Variants in RTL4 observed in about 807,000 individuals in gnomAD.
RTL4 encodes retrotransposon Gag-like protein 4.
Under a neutral mutation model 5.3 loss-of-function variants are expected in RTL4, and 4 were observed. The observed-to-expected ratio is 0.75, with a 90% CI of 0.37 to 1.72. RTL4 has a LOEUF of 1.72. Ranked by LOEUF, RTL4 falls within the 40% of genes most tolerant of loss-of-function variation. RTL4 has a pLI of 0.04. For missense variants in RTL4, 260 were observed against 227.1 expected (o/e 1.14, Z -0.93); for synonymous variants, 98 against 87.3 (o/e 1.12, Z -0.68).
At chrX:112,451,136 T>A (rs986853198), upstream of RTL4, among the ~76,000 whole-genome samples, 5 of 111,553 alleles carry the variant, frequency 4.5e-5, no homozygotes, top group Middle Eastern at 4.6e-3. Flanking sequence ...CCTGAAAAAA[T>A]TTAAATTCTA....
chrX:112,223,181 G>A, the RTL4 span, among the ~76,000 whole-genome samples: 1 of 111,438 alleles, frequency 9.0e-6, no homozygotes, highest in Non-Finnish European at 1.9e-5. Flanking sequence ...CATTGGTAAA[G>A]GAGGGCAACT....
At chrX:112,130,226 T>TTTTTCTTTTC in the RTL4 span, among the ~76,000 whole-genome samples, 5 of 109,256 alleles carry the variant, frequency 4.6e-5, no homozygotes, top group Non-Finnish European at 9.5e-5. Context: ...CACTAGTTGA[T>TTTTTCTTTTC]TTTTCTTTTC....
chrX:112,257,887 G>A, the RTL4 span, among the ~76,000 whole-genome samples: 12 of 87,239 alleles, frequency 1.4e-4, no homozygotes, highest in African/African-American at 3.5e-4. Flanking sequence ...ATATATATAT[G>A]TGTATATATA....
chrX:112,316,058 A>G, the RTL4 span, among the ~76,000 whole-genome samples: 4 of 112,272 alleles, frequency 3.6e-5, no homozygotes, highest in Non-Finnish European at 7.5e-5. Context: ...GCCCACCTGC[A>G]GTGGAGAAGG....
At chrX:112,273,170 C>T in the RTL4 span, among the ~76,000 whole-genome samples, 1 of 111,530 alleles carries the variant, frequency 9.0e-6, no homozygotes, top group Non-Finnish European at 1.9e-5. Context: ...AGCTGGGTCA[C>T]TTTGAACAAG....
chrX:112,380,215 C>G, the RTL4 span, among the ~76,000 whole-genome samples: 1 of 107,818 alleles, frequency 9.3e-6, no homozygotes, highest in Non-Finnish European at 1.9e-5. Context: ...GGCACAAACT[C>G]GACTCACTGC....
chrX:112,265,226 T>C, the RTL4 span, among the ~76,000 whole-genome samples: 1 of 112,773 alleles, frequency 8.9e-6, no homozygotes, highest in Non-Finnish European at 1.9e-5. Flanking sequence ...TGGATTCTTA[T>C]TTGTAAAGTG....
chrX:112,354,937 T>G, the RTL4 span, among the ~76,000 whole-genome samples: 2 of 111,311 alleles, frequency 1.8e-5, no homozygotes, highest in African/African-American at 3.3e-5. Context: ...CTACCAGTAA[T>G]AGTAGTAATA....
At chrX:112,445,237 C>T in the RTL4 span, among the ~76,000 whole-genome samples, 2 of 112,186 alleles carry the variant, frequency 1.8e-5, no homozygotes, top group African/African-American at 6.5e-5. Context: ...AATATCTGTA[C>T]TTAGAATTCC....
At chrX:112,453,143 C>T (rs1338091416), upstream of RTL4, among the ~76,000 whole-genome samples, 1 of 111,146 alleles carries the variant, frequency 9.0e-6, no homozygotes, top group Non-Finnish European at 1.9e-5. Context: ...TGTTTCTGGC[C>T]TCCAATCTTA....
At chrX:112,244,453 CTTCT>C in the RTL4 span, among the ~76,000 whole-genome samples, 1 of 111,322 alleles carries the variant, frequency 9.0e-6, no homozygotes, top group Non-Finnish European at 1.9e-5. Context: ...ATGTAATGGC[CTTCT>C]TTGTCTCTTT....
At chrX:112,087,716 G>A in the RTL4 span, among the ~76,000 whole-genome samples, 2 of 111,421 alleles carry the variant, frequency 1.8e-5, no homozygotes, top group East Asian at 5.7e-4. Context: ...CTTAGCTATG[G>A]AAATTAGGTT....
chrX:112,214,773 GTT>G, the RTL4 span, among the ~76,000 whole-genome samples: 2 of 109,914 alleles, frequency 1.8e-5, no homozygotes, highest in Non-Finnish European at 3.8e-5. Flanking sequence ...GATGATTAGT[GTT>G]TTTTTTGTTT....
the RTL4 span, among the ~76,000 whole-genome samples, chrX:112,352,999 A>G: frequency 8.9e-6 from 1 of 112,046 alleles, no homozygotes; most frequent in Non-Finnish European, 1.9e-5. Context: ...AAAAACAAAC[A>G]ACCCCATCAA....
At chrX:112,240,117 AG>A in the RTL4 span, among the ~76,000 whole-genome samples, 1 of 112,180 alleles carries the variant, frequency 8.9e-6, no homozygotes, top group Non-Finnish European at 1.9e-5. Context: ...GAAAATATAA[AG>A]GAGAACCAAA....
the RTL4 span, among the ~76,000 whole-genome samples, chrX:112,394,063 C>A: frequency 2.7e-5 from 3 of 111,268 alleles, no homozygotes; most frequent in Non-Finnish European, 5.7e-5. Context: ...ATCTCCTGAC[C>A]TGAGAATTGC....
chrX:112,130,104 G>T, the RTL4 span, among the ~76,000 whole-genome samples: 3 of 111,224 alleles, frequency 2.7e-5, 1 homozygote, highest in Admixed American at 2.9e-4. Flanking sequence ...AAACAAAAAT[G>T]CTAGGGTTTT....
the RTL4 span, among the ~76,000 whole-genome samples, chrX:112,335,430 A>C: frequency 1.8e-5 from 2 of 111,953 alleles, no homozygotes; most frequent in African/African-American, 6.5e-5. Context: ...GTTTAAAAAA[A>C]TCATTCATTT....
chrX:112,273,531 C>T, the RTL4 span, among the ~76,000 whole-genome samples: 2 of 111,789 alleles, frequency 1.8e-5, no homozygotes, highest in African/African-American at 3.3e-5. Context: ...GGATTACAGG[C>T]GTGAGCTACC....
Sources: gnomAD v4.1 joint callset for allele counts (sites outside exome capture counted in the v4.1 genomes callset) on GRCh38, gnomAD v4.1.1 for gene constraint, MANE v1.5 for transcripts, NCBI Gene and HGNC (gene_info 2026-07-23, HGNC 2026-07-21) for gene names.